RAD54B: variants seen among roughly 807,000 people sequenced by gnomAD.
RAD54B encodes RAD54 homolog B, also known as DNA repair and recombination protein RAD54B.
Under a neutral mutation model 95.8 loss-of-function variants are expected in RAD54B, and 78 were observed. The observed-to-expected ratio is 0.81, with a 90% CI of 0.68 to 0.98. The LOEUF is 0.98. RAD54B is among the 50% of genes least tolerant of loss of function. RAD54B has a pLI of 0.00. For missense variants in RAD54B, 957 were observed against 1,056.6 expected, an observed-to-expected ratio of 0.91 and a Z score of 1.31; for synonymous variants, 328 against 354.9, an observed-to-expected ratio of 0.92 and a Z score of 0.85.
chr8:94,452,372 TG>T (rs1812676357), intron 3 of RAD54B, among the ~76,000 whole-genome samples: 2 of 152,256 alleles, frequency 1.3e-5, no homozygotes, highest in African/African-American at 4.8e-5. Flanking sequence ...AAATACATAC[TG>T]AAGAATTTCA....
intron 4 of RAD54B, 55 bp downstream of exon 4, chr8:94,411,066 G>A (rs369594268): frequency 2.4e-5 from 31 of 1,304,022 alleles, no homozygotes; most frequent in South Asian, 1.8e-4. Context: ...TTATGTAACC[G>A]GAGATACATA....
intron 3 of RAD54B, among the ~76,000 whole-genome samples, chr8:94,444,704 G>A (rs1007219164): frequency 6.6e-6 from 1 of 152,152 alleles, no homozygotes; most frequent in Non-Finnish European, 1.5e-5. Context: ...GAAGTTCAGG[G>A]CTATCAAAAG....
chr8:94,392,191 C>T (rs1207540972), intron 9 of RAD54B, among the ~76,000 whole-genome samples: 1 of 152,126 alleles, frequency 6.6e-6, no homozygotes, highest in African/African-American at 2.4e-5. Flanking sequence ...ACACGTAGAC[C>T]ATAATTTAAC....
At chr8:94,416,525 A>T (rs143223038) in intron 3 of RAD54B, among the ~76,000 whole-genome samples, 2,153 of 151,666 alleles carry the variant, frequency 0.014, 46 homozygotes, top group African/African-American at 0.048. Flanking sequence ...ATAATAATAA[A>T]AAAAAAGAAA....
intron 1 of RAD54B, 57 bp from the exon 2 acceptor site, chr8:94,467,612 A>C: frequency 6.7e-7 from 1 of 1,492,114 alleles, no homozygotes; most frequent in Non-Finnish European, 9.0e-7. Flanking sequence ...TCACCCCCAA[A>C]TATAAAAATA....
At chr8:94,450,168 A>G (rs1361409162) in intron 3 of RAD54B, among the ~76,000 whole-genome samples, 2 of 152,254 alleles carry the variant, frequency 1.3e-5, no homozygotes, top group African/African-American at 2.4e-5. Context: ...GGCTCTGAAT[A>G]TTCAATATCT....
chr8:94,396,201 A>G (rs1811140211), intron 8 of RAD54B, among the ~76,000 whole-genome samples: 1 of 152,056 alleles, frequency 6.6e-6, no homozygotes, highest in Non-Finnish European at 1.5e-5. Context: ...GTGGTAATTT[A>G]GATCCCCATT....
At chr8:94,429,366 C>T (rs1378864655) in intron 3 of RAD54B, 7 of 664,154 alleles carry the variant, frequency 1.1e-5, no homozygotes, top group Non-Finnish European at 1.3e-5. Context: ...ACCTAACCAC[C>T]AAAAATAAAA....
Position 94,380,164 on chromosome 8 carries a change from T to G in RAD54B, c.2228A>C (p.Asn743Thr). ...TCCTACCTGAATGTCAGTGGCTGGA[T>G]TCCAATCAATGTCATAGAGAATTAA... ...SHLILYDIDW[N>T]PATDIQAMSR... is the part of the protein sequence containing the mutation. Residue 743 changes from asparagine to threonine, a missense_variant, in exon 12 of 15, where the codon AAT becomes ACT. By Grantham distance (65) the Asn-to-Thr change is moderately conservative (BLOSUM62 0). Transcript: ENST00000336148. The G allele has an allele frequency of 6.2e-7, 1 of 1,610,062 alleles. No individual in the cohort carries two copies. Among genetic ancestry groups the G allele is most frequent in the Non-Finnish European group, 8.5e-7 (1 of 1,177,580 alleles).
At chr8:94,418,574 T>G (rs1314102428) in intron 3 of RAD54B, among the ~76,000 whole-genome samples, 1 of 152,148 alleles carries the variant, frequency 6.6e-6, no homozygotes, top group African/African-American at 2.4e-5. Context: ...TATAGAATCG[T>G]TCCATCATCC....
chr8:94,430,870 C>T (rs1370141483), intron 3 of RAD54B: 2 of 985,458 alleles, frequency 2.0e-6, no homozygotes, highest in Non-Finnish European at 2.4e-6. Context: ...CAGGATACTA[C>T]AGCCCAAATT....
Position 94,399,636 on chromosome 8 carries a change from T to C in RAD54B, c.1171-15A>G, listed in dbSNP as rs1586136663. 6.9e-6 allele frequency: 11 copies of C among 1,585,608 alleles called. No homozygotes were observed. In the Admixed American group the frequency reaches 1.3e-4, roughly 18 times the overall value. ...ACTTTGTGGTCCTGAGGAAAAAAGA[T>C]AGTATTTTAAAAATCAGGAACAGAA... On this transcript the variant is annotated splice_polypyrimidine_tract_variant and intron_variant, in intron 7 of 14. Transcript: ENST00000336148.
intron 3 of RAD54B, among the ~76,000 whole-genome samples, chr8:94,411,697 C>T (rs1447205223): frequency 2.0e-5 from 3 of 151,852 alleles, no homozygotes; most frequent in African/African-American, 7.2e-5. Context: ...ACATGACAAG[C>T]TGAGGAAAGG....
intron 2 of RAD54B, among the ~76,000 whole-genome samples, chr8:94,462,650 A>T (rs1586041027): frequency 6.6e-6 from 1 of 152,296 alleles, no homozygotes; most frequent in Middle Eastern, 3.4e-3. Flanking sequence ...ATAGTTTAAA[A>T]ACAAGAAGTT....
intron 3 of RAD54B, chr8:94,429,147 AT>A: frequency 1.0e-6 from 1 of 974,138 alleles, no homozygotes; most frequent in Non-Finnish European, 1.2e-6. Flanking sequence ...GTGTTTAAAA[AT>A]ATGTAAAAAT....
At chr8:94,431,188 T>C (rs1812084318) in intron 3 of RAD54B, 1 of 920,242 alleles carries the variant, frequency 1.1e-6, no homozygotes, top group Non-Finnish European at 1.3e-6. Flanking sequence ...AAAATAACAA[T>C]ACTTATAAAA....
intron 6 of RAD54B, 61 bp from the exon 7 acceptor site, chr8:94,400,524 TC>T: frequency 7.3e-7 from 1 of 1,362,186 alleles, no homozygotes; most frequent in Non-Finnish European, 1.0e-6. Flanking sequence ...GCTCTTAAAA[TC>T]ATCAAGAACC....
At chr8:94,474,978 G>A (rs1586049416) in intron 1 of RAD54B, 23 bp downstream of exon 1, 1 of 152,408 alleles carries the variant, frequency 6.6e-6, no homozygotes, top group African/African-American at 2.4e-5. Context: ...GCAGCCTCCC[G>A]AGCTTCCCCC....
At chr8:94,468,592 G>A (rs759648303) in intron 1 of RAD54B, among the ~76,000 whole-genome samples, 4 of 151,722 alleles carry the variant, frequency 2.6e-5, no homozygotes, top group Non-Finnish European at 4.4e-5. Flanking sequence ...TCAGGAGGCC[G>A]AGGCGGGCGG....
Sources: gnomAD v4.1 joint callset for allele counts (sites outside exome capture counted in the v4.1 genomes callset) on GRCh38, gnomAD v4.1.1 for gene constraint, MANE v1.5 for transcripts, NCBI Gene and HGNC (gene_info 2026-07-23, HGNC 2026-07-21) for gene names.